The following SYNPR variants were observed in gnomAD, a reference collection of about 807,000 sequenced individuals.
The protein encoded by SYNPR is synaptoporin.
SYNPR carries 23 observed loss-of-function variants against 32.9 expected under a neutral mutation model. The ratio of observed to expected loss-of-function variants is 0.70; its 90% CI spans 0.50 to 0.99. The LOEUF (loss-of-function observed/expected upper bound fraction) is 0.99, where lower values mean the gene tolerates loss of function less well. SYNPR is among the 50% of genes least tolerant of loss of function. The pLI is 0.00. For synonymous variants in SYNPR, 146 were observed against 135.9 expected (o/e 1.07, Z -0.52); for missense variants, 318 against 349.3 (o/e 0.91, Z 0.71).
chr3:63,324,755 G>A (rs1286078242), intron 2 of SYNPR, among the ~76,000 whole-genome samples: 3 of 152,100 alleles, frequency 2.0e-5, no homozygotes, highest in Non-Finnish European at 1.5e-5. Flanking sequence ...AGCAAGTTGA[G>A]CTAGCTATTT....
At chr3:63,326,611 C>T (rs575304123) in intron 2 of SYNPR, among the ~76,000 whole-genome samples, 1 of 152,230 alleles carries the variant, frequency 6.6e-6, no homozygotes, top group East Asian at 1.9e-4. Flanking sequence ...AGTGTCCAGT[C>T]TTATCTAGAA....
chr3:63,376,221 A>G (rs756623289), intron 2 of SYNPR, among the ~76,000 whole-genome samples: 2 of 152,076 alleles, frequency 1.3e-5, no homozygotes, highest in Non-Finnish European at 2.9e-5. Context: ...TGTCTTCTCT[A>G]ATTTTGCTTT....
rs71732643 is a variant in SYNPR at position 63,365,789 on chromosome 3, GGATA to G, written c.84+87050_84+87053del. ...TATGTGCACGTGTGTGTGTAAAATGGGATAGACAAAAACATTCTTTTATTACATT... is the reference window on the plus strand; with the variant it reads ...TATGTGCACGTGTGTGTGTAAAATGGGACAAAAACATTCTTTTATTACATT... On this transcript the variant is annotated intron_variant, in intron 2 of 5. Coordinates refer to ENST00000478300, the MANE Select transcript of SYNPR (RefSeq NM_001130003.2). 4.6e-3 allele frequency among the ~76,000 whole-genome samples: 700 copies of G among 152,170 alleles called. 6 individuals are homozygous for G. The highest frequency in any genetic ancestry group is 0.011 in the African/African-American group (450 of 41,510).
intron 2 of SYNPR, among the ~76,000 whole-genome samples, chr3:63,369,177 C>T (rs1221278163): frequency 6.6e-6 from 1 of 152,152 alleles, no homozygotes; most frequent in East Asian, 1.9e-4. Flanking sequence ...CATGCATGCA[C>T]AAAAGGCGGC....
chr3:63,453,318 A>C (rs1480757534), intron 2 of SYNPR, among the ~76,000 whole-genome samples: 1 of 152,152 alleles, frequency 6.6e-6, no homozygotes, highest in African/African-American at 2.4e-5. Flanking sequence ...CCTGGGGAGG[A>C]AGATTCCACA....
chr3:63,559,967 G>GA (rs1490916862), intron 4 of SYNPR, among the ~76,000 whole-genome samples: 2 of 151,892 alleles, frequency 1.3e-5, no homozygotes, highest in African/African-American at 4.8e-5. Flanking sequence ...CATAAAGTGG[G>GA]AAAAAAACTA....
chr3:63,264,838 A>G (rs1218041265), intron 2 of SYNPR, among the ~76,000 whole-genome samples: 1 of 152,172 alleles, frequency 6.6e-6, no homozygotes, highest in East Asian at 1.9e-4. Context: ...CAAGCCGGGG[A>G]AATTCCAGAC....
intron 2 of SYNPR, among the ~76,000 whole-genome samples, chr3:63,310,524 T>C (rs1319309216): frequency 6.6e-6 from 1 of 152,074 alleles, no homozygotes; most frequent in Non-Finnish European, 1.5e-5. Context: ...TTCACCTGTG[T>C]AGCTTCCTAT....
chr3:63,595,798 T>A (rs1485338603), intron 4 of SYNPR, among the ~76,000 whole-genome samples: 8 of 55,058 alleles, frequency 1.5e-4, no homozygotes, highest in South Asian at 6.9e-4. Flanking sequence ...TATATATATA[T>A]AGTTATATAT....
At chr3:63,505,261 T>A (rs1252571916) in intron 3 of SYNPR, among the ~76,000 whole-genome samples, 1 of 152,092 alleles carries the variant, frequency 6.6e-6, no homozygotes, top group Non-Finnish European at 1.5e-5. Flanking sequence ...CAAAACCAGG[T>A]GAATATCGAC....
intron 2 of SYNPR, among the ~76,000 whole-genome samples, chr3:63,303,850 T>A (rs1467703153): frequency 6.6e-6 from 1 of 152,060 alleles, no homozygotes; most frequent in East Asian, 1.9e-4. Flanking sequence ...ATCATTGGTA[T>A]TGCCAGTTCT....
At chr3:63,256,097 G>T (rs187553777) in intron 2 of SYNPR, among the ~76,000 whole-genome samples, 6 of 152,120 alleles carry the variant, frequency 3.9e-5, no homozygotes, top group Admixed American at 1.3e-4. Context: ...GGAGCCCACC[G>T]CAGCTCAAGG....
At chr3:63,595,419 A>G (rs573354266) in intron 4 of SYNPR, among the ~76,000 whole-genome samples, 2 of 151,786 alleles carry the variant, frequency 1.3e-5, no homozygotes, top group Non-Finnish European at 2.9e-5. Flanking sequence ...CATTTTGCCA[A>G]TGGATTTGTC....
intron 2 of SYNPR, among the ~76,000 whole-genome samples, chr3:63,315,085 T>A (rs964923724): frequency 2.0e-5 from 3 of 152,082 alleles, no homozygotes; most frequent in African/African-American, 7.2e-5. Flanking sequence ...TACTGTGTCA[T>A]TGGTCTATGT....
chr3:63,335,081 G>C (rs550673764), intron 2 of SYNPR, among the ~76,000 whole-genome samples: 2 of 152,262 alleles, frequency 1.3e-5, no homozygotes, highest in African/African-American at 4.8e-5. Flanking sequence ...CAGGCCTGGC[G>C]CCGTGGCTCA....
intron 2 of SYNPR, among the ~76,000 whole-genome samples, chr3:63,375,005 A>G (rs2107059083): frequency 6.6e-6 from 1 of 152,316 alleles, no homozygotes; most frequent in Non-Finnish European, 1.5e-5. Flanking sequence ...AGAAATGCAA[A>G]TCAAAACCAC....
chr3:63,371,151 G>A (rs1272119592), intron 2 of SYNPR, among the ~76,000 whole-genome samples: 2 of 152,072 alleles, frequency 1.3e-5, no homozygotes, highest in Non-Finnish European at 1.5e-5. Context: ...TCGGAAAAAT[G>A]ATGAGTGAGT....
intron 2 of SYNPR, among the ~76,000 whole-genome samples, chr3:63,316,251 A>C (rs1305064738): frequency 6.6e-6 from 1 of 152,042 alleles, no homozygotes; most frequent in Non-Finnish European, 1.5e-5. Context: ...GGCTTCATAA[A>C]ATGAATTTGG....
At chr3:63,255,601 A>G (rs2086375209) in intron 2 of SYNPR, among the ~76,000 whole-genome samples, 1 of 152,212 alleles carries the variant, frequency 6.6e-6, no homozygotes, top group Non-Finnish European at 1.5e-5. Flanking sequence ...TGAGATTAAT[A>G]ACTCATGACT....
Sources: allele counts gnomAD v4.1 joint callset (sites outside exome capture counted in the v4.1 genomes callset), GRCh38; gene constraint gnomAD v4.1.1; transcripts MANE v1.5; gene names NCBI Gene and HGNC (gene_info 2026-07-23, HGNC 2026-07-21).